Variants in NMNAT3 observed in about 807,000 individuals in gnomAD.
NMNAT3 encodes nicotinamide nucleotide adenylyltransferase 3.
Under a neutral mutation model 24.8 loss-of-function variants are expected in NMNAT3, and 21 were observed. The ratio of observed to expected loss-of-function variants is 0.85; its 90% CI spans 0.60 to 1.22. The LOEUF (loss-of-function observed/expected upper bound fraction) is 1.22. Ranked by LOEUF, NMNAT3 falls within the 50% of genes most tolerant of loss-of-function variation. NMNAT3 has a pLI of 0.00. For synonymous variants in NMNAT3, 136 were observed against 155.2 expected, an observed-to-expected ratio of 0.88 and a Z score of 0.92; for missense variants, 387 against 436.6, an observed-to-expected ratio of 0.89 and a Z score of 1.01.
rs141080635 is a variant in NMNAT3 at position 139,633,055 on chromosome 3, G to A, written c.-41+4908C>T. 4.4e-4 allele frequency among the ~76,000 whole-genome samples: 67 copies of A among 152,236 alleles called. 1 individual carries two copies. In the East Asian group the frequency reaches 0.012, roughly 28 times the overall value. Reference sequence around the variant, plus strand: ...GGGCCATGAACCAAGCAATGCAAACGGCCCCTAGCTGCTGGAGAAGGCGAG... The same window carrying A: ...GGGCCATGAACCAAGCAATGCAAACAGCCCCTAGCTGCTGGAGAAGGCGAG... On this transcript the variant is annotated intron_variant, in intron 2 of 6. Transcript: ENST00000643695.
chr3:139,645,663 G>C (rs1414398460), intron 1 of NMNAT3, among the ~76,000 whole-genome samples: 1 of 152,144 alleles, frequency 6.6e-6, no homozygotes, highest in Non-Finnish European at 1.5e-5. Context: ...CCTTTATAAG[G>C]AGTTTTCCTA....
At position 139,622,823 on chromosome 3, in the gene NMNAT3, T is replaced by C. The variant is rs529165052; in HGVS notation, c.109+4793A>G. 2.2e-5 allele frequency among the ~76,000 whole-genome samples: 3 copies of C among 136,204 alleles called. No individual in the cohort carries two copies. In the East Asian group the frequency reaches 6.0e-4, roughly 27 times the overall value. The allele number at this position is 136,204 out of a possible 152,430, so 89.4% of individuals were successfully genotyped here. On this transcript the variant is annotated intron_variant, in intron 3 of 6. Coordinates refer to ENST00000643695, the MANE Select transcript of NMNAT3 (RefSeq NM_001320510.2). ...ATGATATATATATAAAATGTATATA[T>C]GATATATAATATATATTATATATAT...
At chr3:139,599,548 G>A (rs4497995) in intron 3 of NMNAT3, 2 of 610,556 alleles carry the variant, frequency 3.3e-6, no homozygotes, top group South Asian at 2.1e-5. Context: ...AGCATGTTAA[G>A]AAAAAACATA....
At chr3:139,609,979 AAAAATAAAAC>A (rs2055132132) in intron 3 of NMNAT3, 1 of 152,246 alleles carries the variant, frequency 6.6e-6, no homozygotes, top group South Asian at 2.1e-4. Context: ...TAAATAAGCA[AAAAATAAAAC>A]AAATATATGT....
Position 139,627,639 on chromosome 3 carries a change from G to A in NMNAT3, c.86C>T (p.Ala29Val), listed in dbSNP as rs1229396775. 3 of 1,592,086 alleles carry A rather than the reference G, an allele frequency of 1.9e-6. No homozygotes were observed. Among genetic ancestry groups the A allele is most frequent in the African/African-American group, 1.3e-5 (1 of 74,944 alleles). The change falls in exon 3 of 7, where the codon GCC (alanine) becomes GTC (valine). Residue 29 changes from alanine (A) to valine (V), a missense_variant. Physicochemically the swap from Ala to Val is moderately conservative, Grantham distance 64 (BLOSUM62 0). Around this residue, in one of 3 missense-constraint regions of NMNAT3, gnomAD observed 51 missense variants for 55.6 expected, o/e 0.92. Coordinates refer to ENST00000643695, the MANE Select transcript of NMNAT3 (RefSeq NM_001320510.2). ...ACCTGTTTGGTGTAGGTGATCTCTG[G>A]CCACCTCAAACATGCGCAGGTGCAT...
intron 5 of NMNAT3, chr3:139,576,178 T>G (rs1939279586): frequency 1.0e-6 from 1 of 985,210 alleles, no homozygotes; most frequent in Admixed American, 6.2e-5. Flanking sequence ...AAAGATGGGG[T>G]GGATTTCTAC....
chr3:139,582,748 T>C (rs1187268681), intron 4 of NMNAT3, among the ~76,000 whole-genome samples: 1 of 149,950 alleles, frequency 6.7e-6, no homozygotes, highest in African/African-American at 2.4e-5. Context: ...AAAAAATATA[T>C]ATAATATATA....
chr3:139,677,541 TC>T lies in NMNAT3; in HGVS notation c.-141+163del, dbSNP rs549478852. Among the ~76,000 whole-genome samples, 20 of 152,140 alleles carry T rather than the reference TC, an allele frequency of 1.3e-4. No individual in the cohort carries two copies. The South Asian group carries it at 4.0e-3, about 30-fold the overall frequency. ...GGCGCGCAGAGGCAGCGCGGAGCTG[TC>T]CCCCCGGTTCGCGCCACCCCGGATG... On this transcript the variant is annotated intron_variant, in intron 1 of 6. Transcript: ENST00000643695.
At chr3:139,628,837 A>C (rs989019980) in intron 2 of NMNAT3, among the ~76,000 whole-genome samples, 3 of 152,236 alleles carry the variant, frequency 2.0e-5, no homozygotes, top group African/African-American at 7.2e-5. Flanking sequence ...ACAAGGTTAT[A>C]GTGAGGATAG....
intron 1 of NMNAT3, among the ~76,000 whole-genome samples, chr3:139,658,247 G>A (rs762757930): frequency 4.6e-5 from 7 of 152,188 alleles, no homozygotes; most frequent in Non-Finnish European, 1.0e-4. Context: ...TACAGCACAA[G>A]TGAAAGGAAG....
In NMNAT3 at chr3:139,633,181, A is replaced by AAT. The variant is rs1553755552; in HGVS notation, c.-41+4781_-41+4782insAT. ...GGGAATACATTTGTGTTTTTGTTTG[A>AAT]TTTTTTTTTTTTTTTTGAGATAGCG... On this transcript the variant is annotated intron_variant, in intron 2 of 6. Coordinates refer to ENST00000643695, the MANE Select transcript of NMNAT3 (RefSeq NM_001320510.2). 7.1e-4 allele frequency among the ~76,000 whole-genome samples: 71 copies of AAT among 99,356 alleles called. No individual in the cohort carries two copies. In the South Asian group the frequency reaches 7.2e-3, roughly 10 times the overall value. 65.2% of individuals were successfully genotyped at this position (99,356 alleles called of 152,430 possible).
At chr3:139,610,270 A>G (rs1402990043) in intron 3 of NMNAT3, among the ~76,000 whole-genome samples, 1 of 152,180 alleles carries the variant, frequency 6.6e-6, no homozygotes, top group Non-Finnish European at 1.5e-5. Context: ...AGGACATGCC[A>G]TGAAAATTTC....
At chr3:139,654,941 C>T (rs1354792042) in intron 1 of NMNAT3, among the ~76,000 whole-genome samples, 1 of 152,162 alleles carries the variant, frequency 6.6e-6, no homozygotes, top group Admixed American at 6.5e-5. Flanking sequence ...AGGACGGTCA[C>T]AGCCCAGGGT....
intron 1 of NMNAT3, among the ~76,000 whole-genome samples, chr3:139,668,451 A>G (rs1183976606): frequency 3.3e-5 from 5 of 152,250 alleles, no homozygotes; most frequent in Admixed American, 6.5e-5. Context: ...ATTAGAGGAA[A>G]TGAAGAAAGA....
At chr3:139,590,068 T>C (rs1397007940) in intron 3 of NMNAT3, among the ~76,000 whole-genome samples, 4 of 152,152 alleles carry the variant, frequency 2.6e-5, no homozygotes, top group Non-Finnish European at 5.9e-5. Context: ...GATGTCCAGC[T>C]AGGACCTGGA....
chr3:139,570,048 A>C (rs1473530671), intron 6 of NMNAT3: 1 of 151,718 alleles, frequency 6.6e-6, no homozygotes, highest in Non-Finnish European at 1.5e-5. Flanking sequence ...GTTTCTTTTT[A>C]CTCTTTTTCC....
At chr3:139,599,724 A>G (rs988187553) in intron 3 of NMNAT3, among the ~76,000 whole-genome samples, 1 of 152,162 alleles carries the variant, frequency 6.6e-6, no homozygotes, top group Non-Finnish European at 1.5e-5. Context: ...ATCAGTCTTC[A>G]AGCTTATTTA....
intron 6 of NMNAT3, chr3:139,565,352 C>CT (rs1559848769): frequency 6.6e-6 from 1 of 152,032 alleles, no homozygotes; most frequent in African/African-American, 2.4e-5. Context: ...ACATAGTTTT[C>CT]TTTTTTTAAA....
At chr3:139,593,544 T>C (rs905468306) in intron 3 of NMNAT3, among the ~76,000 whole-genome samples, 5 of 152,114 alleles carry the variant, frequency 3.3e-5, no homozygotes, top group African/African-American at 1.2e-4. Context: ...ATTCCAACAT[T>C]GACCACATAG....
Sources: allele counts gnomAD v4.1 joint callset (sites outside exome capture counted in the v4.1 genomes callset), GRCh38; gene constraint gnomAD v4.1.1; regional missense constraint gnomAD v4.1.1; transcripts MANE v1.5; gene names NCBI Gene and HGNC (gene_info 2026-07-23, HGNC 2026-07-21).